ARID4A: variants seen among roughly 807,000 people sequenced by gnomAD.
ARID4A encodes AT-rich interaction domain 4A.
A neutral mutation model predicts 148.6 loss-of-function variants in ARID4A; 39 were observed. The observed-to-expected ratio is 0.26, with a 90% CI of 0.20 to 0.34. ARID4A has a LOEUF of 0.34. Among genes scored for constraint, ARID4A ranks in the 10% least tolerant of loss-of-function variants. The probability of loss-of-function intolerance (pLI) is 1.00; values close to 1 mark genes in which losing one functional copy is unlikely to be tolerated. For missense variants in ARID4A, 1,265 were observed against 1,449.1 expected (o/e 0.87, Z 2.06); for synonymous variants, 475 against 481.2 (o/e 0.99, Z 0.17).
chr14:58,356,628 CA>C (rs571726302), intron 17 of ARID4A, among the ~76,000 whole-genome samples: 33 of 150,732 alleles, frequency 2.2e-4, no homozygotes, highest in African/African-American at 7.8e-4. Context: ...GGTTCAACTT[CA>C]ATTTTTTTTT....
intron 11 of ARID4A, among the ~76,000 whole-genome samples, chr14:58,344,318 C>T (rs1412208145): frequency 6.6e-6 from 1 of 151,754 alleles, no homozygotes; most frequent in Non-Finnish European, 1.5e-5. Context: ...ATATAATGAA[C>T]ATGTGTCATT....
chr14:58,333,966 C>T (rs969483638), intron 11 of ARID4A, among the ~76,000 whole-genome samples: 2 of 152,114 alleles, frequency 1.3e-5, no homozygotes, highest in Non-Finnish European at 2.9e-5. Flanking sequence ...ATAATTGGGA[C>T]TTTAGCTTGC....
intron 12 of ARID4A, among the ~76,000 whole-genome samples, chr14:58,345,484 A>G (rs2034314574): frequency 6.6e-6 from 1 of 152,172 alleles, no homozygotes; most frequent in South Asian, 2.1e-4. Flanking sequence ...TCGTTATCTG[A>G]AAAAGATGAG....
chr14:58,345,194 A>G (rs2034302207), intron 12 of ARID4A, among the ~76,000 whole-genome samples: 1 of 152,180 alleles, frequency 6.6e-6, no homozygotes, highest in South Asian at 2.1e-4. Context: ...TGGATTTTAA[A>G]TAAATCCTAG....
At chr14:58,343,082 TG>T (rs2034191379) in intron 11 of ARID4A, among the ~76,000 whole-genome samples, 1 of 152,240 alleles carries the variant, frequency 6.6e-6, no homozygotes, top group Non-Finnish European at 1.5e-5. Flanking sequence ...CTTGGGCTAC[TG>T]AATTACCTAT....
At chr14:58,332,758 C>T (rs1175037038) in intron 11 of ARID4A, among the ~76,000 whole-genome samples, 1 of 152,044 alleles carries the variant, frequency 6.6e-6, no homozygotes, top group Non-Finnish European at 1.5e-5. Flanking sequence ...TCAGAGTCTT[C>T]CCAAAATGTA....
intron 5 of ARID4A, among the ~76,000 whole-genome samples, chr14:58,310,706 C>T (rs1053163036): frequency 2.7e-5 from 4 of 150,834 alleles, no homozygotes; most frequent in East Asian, 1.9e-4. Context: ...GACACTGGCC[C>T]GGGCATTGAT....
intron 11 of ARID4A, among the ~76,000 whole-genome samples, chr14:58,333,962 G>A (rs567929643): frequency 5.6e-4 from 86 of 152,232 alleles, no homozygotes; most frequent in Middle Eastern, 6.8e-3. Flanking sequence ...ATGAATAATT[G>A]GGACTTTAGC....
chr14:58,342,320 A>G (rs865801570), intron 11 of ARID4A, among the ~76,000 whole-genome samples: 10 of 152,296 alleles, frequency 6.6e-5, no homozygotes, highest in South Asian at 2.1e-4. Flanking sequence ...TTATTCATTT[A>G]TATCTTGTTT....
intron 15 of ARID4A, among the ~76,000 whole-genome samples, chr14:58,349,267 C>G (rs1207990775): frequency 1.3e-5 from 2 of 152,202 alleles, no homozygotes; most frequent in East Asian, 3.9e-4. Context: ...CTTCCTCATC[C>G]TACATAAAAT....
intron 11 of ARID4A, among the ~76,000 whole-genome samples, chr14:58,342,503 T>A (rs548770708): frequency 2.2e-4 from 34 of 152,360 alleles, no homozygotes; most frequent in African/African-American, 7.9e-4. Flanking sequence ...TTGCAATTGA[T>A]GAGTTGATTT....
intron 5 of ARID4A, among the ~76,000 whole-genome samples, chr14:58,311,003 T>C (rs1252660045): frequency 1.3e-5 from 2 of 152,282 alleles, no homozygotes; most frequent in East Asian, 1.9e-4. Flanking sequence ...CCCAGCACTT[T>C]GGGAGGCCGA....
intron 5 of ARID4A, among the ~76,000 whole-genome samples, chr14:58,307,091 T>A (rs1368960569): frequency 1.3e-5 from 2 of 152,324 alleles, no homozygotes; most frequent in Non-Finnish European, 2.9e-5. Context: ...TAGCATTAAG[T>A]AACATTTCCA....
At chr14:58,303,074 A>G (rs564607086) in intron 3 of ARID4A, among the ~76,000 whole-genome samples, 1 of 151,982 alleles carries the variant, frequency 6.6e-6, no homozygotes, top group Non-Finnish European at 1.5e-5. Flanking sequence ...GTTACTTTAT[A>G]CTTAGATACC....
chr14:58,298,962 C>T (rs1291621153), intron 1 of ARID4A, among the ~76,000 whole-genome samples: 4 of 152,192 alleles, frequency 2.6e-5, no homozygotes, highest in Admixed American at 2.6e-4. Flanking sequence ...GGCCGCGCCG[C>T]TAAGTTTGCT....
intron 16 of ARID4A, 98 bp downstream of exon 16, chr14:58,351,421 A>T: frequency 1.4e-6 from 2 of 1,454,032 alleles, no homozygotes; most frequent in Non-Finnish European, 1.8e-6. Context: ...ATGTTTTCTT[A>T]TTGGGACTTC....
chr14:58,319,114 C>T (rs1054741450), intron 7 of ARID4A, among the ~76,000 whole-genome samples: 4 of 152,212 alleles, frequency 2.6e-5, no homozygotes, highest in African/African-American at 9.6e-5. Flanking sequence ...GGCTGGAGTG[C>T]AGTGGTGCAA....
chr14:58,318,016 C>G (rs2032584430), intron 5 of ARID4A, among the ~76,000 whole-genome samples: 1 of 151,442 alleles, frequency 6.6e-6, no homozygotes, highest in African/African-American at 2.4e-5. Flanking sequence ...ACATCCTTTT[C>G]TAACAAAAGA....
intron 12 of ARID4A, among the ~76,000 whole-genome samples, chr14:58,345,710 A>G (rs1594934537): frequency 8.6e-6 from 1 of 116,814 alleles, no homozygotes; most frequent in East Asian, 2.6e-4. Context: ...GTGTTTGTTT[A>G]TGCCTAAACT....
Sources: allele counts gnomAD v4.1 joint callset (sites outside exome capture counted in the v4.1 genomes callset), GRCh38; gene constraint gnomAD v4.1.1; transcripts MANE v1.5; gene names NCBI Gene and HGNC (gene_info 2026-07-23, HGNC 2026-07-21).